ADD2: variants seen among roughly 807,000 people sequenced by gnomAD.
ADD2 encodes the protein beta-adducin.
ADD2 carries 23 observed loss-of-function variants against 83.0 expected under a neutral mutation model. The observed-to-expected ratio is 0.28, with a 90% CI of 0.20 to 0.39. The LOEUF (loss-of-function observed/expected upper bound fraction) is 0.39. Among genes scored for constraint, ADD2 ranks in the 10% least tolerant of loss-of-function variants. The pLI, the probability that ADD2 is intolerant of heterozygous loss-of-function variation, is 1.00. For synonymous variants in ADD2, 375 were observed against 375.4 expected (o/e 1.00, Z 0.01); for missense variants, 758 against 944.9 (o/e 0.80, Z 2.59).
Position 70,659,319 on chromosome 2 carries a change from GCAAT to G in ADD2, c.*4102_*4105del, listed in dbSNP as rs1342561887. On this transcript the variant is annotated 3_prime_UTR_variant, in exon 16 of 16. Coordinates refer to ENST00000264436, the MANE Select transcript of ADD2 (RefSeq NM_001617.4). ...GGCAAATGGTTCTTTCAAATCCATG[GCAAT>G]CAAAGAAGTGGATTTATAGCATTTT... 6.6e-5 allele frequency: 10 copies of G among 152,134 alleles called. No homozygotes were observed. Among genetic ancestry groups the G allele is most frequent in the African/African-American group, 2.2e-4 (9 of 41,402 alleles). The allele number at this position is 152,134 out of a possible 1,614,324, so 9.4% of individuals were successfully genotyped here.
rs554170378 is a variant in ADD2, at chr2:70,676,670, C to T, written c.1593+126G>A. 22 of 1,503,720 alleles carry T rather than the reference C, an allele frequency of 1.5e-5. No homozygotes were observed. The East Asian group carries it at 5.2e-4, about 35-fold the overall frequency. 93.1% of individuals were successfully genotyped at this position (1,503,720 alleles called of 1,614,324 possible). On this transcript the variant is annotated intron_variant, in intron 13 of 15. Transcript: ENST00000264436. This position sits in a 1 kb window ranked among gnomAD's most constrained non-coding sequence, Gnocchi z 4.8. ...TGGCCTCCATTTTGCAGCAAGAGCA[C>T]CGGCACCCAAGATCACAGGGGAAGG...
At chr2:70,679,062 C>G in intron 10 of ADD2, 101 bp from the exon 11 acceptor site, 2 of 1,384,474 alleles carry the variant, frequency 1.4e-6, no homozygotes, top group South Asian at 1.4e-5. Flanking sequence ...TTAAAGGACT[C>G]TTCATGTAAA....
At chr2:70,722,357 G>A (rs1257839507) in intron 1 of ADD2, among the ~76,000 whole-genome samples, 2 of 152,142 alleles carry the variant, frequency 1.3e-5, no homozygotes, top group Non-Finnish European at 2.9e-5. Context: ...TCATTGATTG[G>A]CGGACACATC....
At chr2:70,684,502 G>A (rs1335008773) in intron 9 of ADD2, among the ~76,000 whole-genome samples, 1 of 152,152 alleles carries the variant, frequency 6.6e-6, no homozygotes, top group South Asian at 2.1e-4. Context: ...ACCTGCCTTG[G>A]CCTCCCAATG....
chr2:70,705,410 C>T (rs982658855), intron 3 of ADD2, among the ~76,000 whole-genome samples: 7 of 122,618 alleles, frequency 5.7e-5, no homozygotes, highest in African/African-American at 2.2e-4. Context: ...GGCAGAGCGG[C>T]TCCCATCTCG....
chr2:70,768,129 T>C lies in ADD2; in HGVS notation c.-397A>G. 1.5e-6 allele frequency: 1 copy of C among 669,900 alleles called. No homozygotes were observed. Among genetic ancestry groups the C allele is most frequent in the Non-Finnish European group, 2.5e-6 (1 of 400,024 alleles). 41.5% of individuals were successfully genotyped at this position (669,900 alleles called of 1,614,324 possible). On this transcript the variant is annotated 5_prime_UTR_variant, in exon 1 of 16. Coordinates refer to ENST00000264436, the MANE Select transcript of ADD2 (RefSeq NM_001617.4). ...GCAGTTCCTTGACAAAAGGCTCGGG[T>C]TCCCGCTAGTCCCTCACAGCCCTGC...
intron 1 of ADD2, among the ~76,000 whole-genome samples, chr2:70,725,691 C>A (rs1226454322): frequency 6.6e-6 from 1 of 152,060 alleles, no homozygotes; most frequent in Non-Finnish European, 1.5e-5. Flanking sequence ...AGCATTCTCC[C>A]CTAGAACTTC....
intron 1 of ADD2, among the ~76,000 whole-genome samples, chr2:70,760,150 T>C (rs1334570084): frequency 2.6e-5 from 4 of 152,232 alleles, no homozygotes; most frequent in Admixed American, 2.0e-4. Flanking sequence ...ATATTTGTCT[T>C]TGGACACTTT....
At chr2:70,686,669 C>T (rs563674378) in intron 9 of ADD2, among the ~76,000 whole-genome samples, 3 of 152,238 alleles carry the variant, frequency 2.0e-5, no homozygotes, top group South Asian at 2.1e-4. Context: ...AGTAGCTTCC[C>T]GGTATCCCAG....
At chr2:70,748,627 T>G (rs1337526554) in intron 1 of ADD2, among the ~76,000 whole-genome samples, 4 of 152,200 alleles carry the variant, frequency 2.6e-5, no homozygotes, top group Non-Finnish European at 4.4e-5. Flanking sequence ...TGAAAACCCC[T>G]GCCACTGACA....
intron 1 of ADD2, among the ~76,000 whole-genome samples, chr2:70,718,494 A>G (rs1471653185): frequency 6.6e-6 from 1 of 152,244 alleles, no homozygotes; most frequent in African/African-American, 2.4e-5. Flanking sequence ...GGGCCCCAAC[A>G]ATGAATGCTG....
At chr2:70,741,669 C>A (rs1389495913) in intron 1 of ADD2, among the ~76,000 whole-genome samples, 1 of 152,192 alleles carries the variant, frequency 6.6e-6, no homozygotes, top group Non-Finnish European at 1.5e-5. Flanking sequence ...GCTGCAGTCA[C>A]CAGCAATTTC....
intron 4 of ADD2, among the ~76,000 whole-genome samples, chr2:70,698,582 A>G (rs552117292): frequency 7.5e-4 from 114 of 152,224 alleles, no homozygotes; most frequent in Non-Finnish European, 1.5e-3. Context: ...GAATGCTCCC[A>G]ATAAATAAAT....
intron 1 of ADD2, among the ~76,000 whole-genome samples, chr2:70,732,924 G>T (rs181916882): frequency 6.6e-6 from 1 of 152,208 alleles, no homozygotes; most frequent in Admixed American, 6.5e-5. Flanking sequence ...ATGCCTGGGG[G>T]AAACAGTGTA....
At chr2:70,707,530 TC>T (rs1553374744) in intron 2 of ADD2, among the ~76,000 whole-genome samples, 1 of 137,216 alleles carries the variant, frequency 7.3e-6, no homozygotes, top group Admixed American at 7.7e-5. Flanking sequence ...AGCCTGCAGT[TC>T]CGGGCTTCAC....
chr2:70,697,114 C>T (rs970877950), intron 4 of ADD2, among the ~76,000 whole-genome samples: 3 of 152,184 alleles, frequency 2.0e-5, no homozygotes, highest in Admixed American at 1.3e-4. Flanking sequence ...CACCACTGCA[C>T]GCCAGCCTGG....
At chr2:70,716,586 T>C (rs981341366) in intron 1 of ADD2, among the ~76,000 whole-genome samples, 1 of 152,166 alleles carries the variant, frequency 6.6e-6, no homozygotes, top group Non-Finnish European at 1.5e-5. Context: ...CGTTTCTCTA[T>C]CCTCCCTGTT....
rs1033447198 is a variant in ADD2, at chr2:70,683,573, C to T, written c.1125+18G>A. ...GCCTCAATGGACTGGCCTGGAAGGG[C>T]AATGGCAGGAGACTCACCAGGTTGT... is the stretch of plus-strand genomic sequence containing the variant. On this transcript the variant is annotated intron_variant, in intron 10 of 15. Transcript: ENST00000264436. 11 of 1,601,392 alleles carry T rather than the reference C, an allele frequency of 6.9e-6. No homozygotes were observed. The African/African-American group carries it at 1.5e-4, about 21-fold the overall frequency.
At chr2:70,718,200 C>T (rs904902430) in intron 1 of ADD2, among the ~76,000 whole-genome samples, 2 of 152,190 alleles carry the variant, frequency 1.3e-5, no homozygotes, top group Admixed American at 1.3e-4. Context: ...ATTGTTGTGG[C>T]ATGAATGGAC....
Sources: gnomAD v4.1 joint callset for allele counts (sites outside exome capture counted in the v4.1 genomes callset) on GRCh38, gnomAD v4.1.1 for gene constraint, Gnocchi (gnomAD v3.1) non-coding constraint, MANE v1.5 for transcripts, NCBI Gene and HGNC (gene_info 2026-07-23, HGNC 2026-07-21) for gene names.